MAD1L1: variants seen among roughly 807,000 people sequenced by gnomAD.
MAD1L1 encodes the protein mitotic spindle assembly checkpoint protein MAD1.
In MAD1L1, 95 loss-of-function variants were observed where a neutral mutation model predicts 96.9. The ratio of observed to expected loss-of-function variants is 0.98; its 90% CI spans 0.83 to 1.16. MAD1L1 has a LOEUF of 1.16. Among genes scored for constraint, MAD1L1 ranks in the 50% most tolerant of loss-of-function variants. The pLI is 0.00. For missense variants in MAD1L1, 1,007 were observed against 954.4 expected (o/e 1.06, Z -0.73); for synonymous variants, 473 against 396.6 (o/e 1.19, Z -2.29).
At chr7:2,078,032 C>T (rs1017235504) in intron 11 of MAD1L1, among the ~76,000 whole-genome samples, 13 of 152,208 alleles carry the variant, frequency 8.5e-5, no homozygotes, top group East Asian at 5.8e-4. Context: ...CATCCACATT[C>T]GCTCCTTGCT....
At chr7:2,214,912 G>C (rs1294389136) in intron 9 of MAD1L1, among the ~76,000 whole-genome samples, 1 of 152,188 alleles carries the variant, frequency 6.6e-6, no homozygotes, top group Non-Finnish European at 1.5e-5. Flanking sequence ...AACCGAAACA[G>C]ATCACCACAA....
chr7:1,898,073 C>T (rs1259202175), intron 18 of MAD1L1, 127 bp downstream of exon 18: 7 of 1,019,414 alleles, frequency 6.9e-6, no homozygotes, highest in South Asian at 1.5e-5. Context: ...ACCTCCTTCC[C>T]GCCCAGCCCT....
At chr7:2,061,803 A>G (rs1784672885) in intron 12 of MAD1L1, among the ~76,000 whole-genome samples, 1 of 152,270 alleles carries the variant, frequency 6.6e-6, no homozygotes, top group Non-Finnish European at 1.5e-5. Flanking sequence ...GTATTTTTAT[A>G]CAATGGAAAA....
chr7:1,876,640 T>G (rs1785400426), intron 18 of MAD1L1, among the ~76,000 whole-genome samples: 2 of 151,680 alleles, frequency 1.3e-5, no homozygotes, highest in Non-Finnish European at 2.9e-5. Flanking sequence ...CTTAAAACTT[T>G]CCATGGCAAA....
At chr7:1,842,149 T>C (rs1003187096) in intron 18 of MAD1L1, among the ~76,000 whole-genome samples, 2 of 152,250 alleles carry the variant, frequency 1.3e-5, no homozygotes, top group Admixed American at 1.3e-4. Context: ...AGTTTATGGC[T>C]TTGTAGATCT....
intron 18 of MAD1L1, among the ~76,000 whole-genome samples, chr7:1,877,510 A>T (rs1224325362): frequency 6.6e-6 from 1 of 151,944 alleles, no homozygotes; most frequent in African/African-American, 2.4e-5. Context: ...AGAATATACG[A>T]GACAAAAAGA....
intron 13 of MAD1L1, among the ~76,000 whole-genome samples, chr7:2,010,145 G>A (rs1176980273): frequency 6.9e-6 from 1 of 144,958 alleles, no homozygotes; most frequent in Non-Finnish European, 1.5e-5. Flanking sequence ...TTTCAATGAG[G>A]GAAACATCAC....
At chr7:1,976,274 G>C (rs546305649) in intron 15 of MAD1L1, among the ~76,000 whole-genome samples, 1 of 152,348 alleles carries the variant, frequency 6.6e-6, no homozygotes, top group African/African-American at 2.4e-5. Context: ...CTCATGGTGA[G>C]TGTTACAGTT....
chr7:2,054,365 C>T (rs1363249026), intron 12 of MAD1L1, among the ~76,000 whole-genome samples: 4 of 152,200 alleles, frequency 2.6e-5, no homozygotes, highest in Non-Finnish European at 5.9e-5. Context: ...ACAACCCAAC[C>T]TTCATCATCT....
At chr7:2,107,898 T>C (rs749361759) in intron 11 of MAD1L1, among the ~76,000 whole-genome samples, 2 of 151,978 alleles carry the variant, frequency 1.3e-5, no homozygotes, top group Non-Finnish European at 2.9e-5. Flanking sequence ...GCCTGGCACA[T>C]GTCGCTGGAC....
intron 11 of MAD1L1, among the ~76,000 whole-genome samples, chr7:2,143,902 C>T (rs946223067): frequency 6.6e-6 from 1 of 152,168 alleles, no homozygotes; most frequent in Admixed American, 6.5e-5. Flanking sequence ...CTCAGGGGCT[C>T]CCCTCTGTGG....
intron 11 of MAD1L1, among the ~76,000 whole-genome samples, chr7:2,091,395 T>C (rs989376573): frequency 2.0e-5 from 3 of 152,252 alleles, no homozygotes; most frequent in African/African-American, 4.8e-5. Context: ...CAGTTCCTTC[T>C]GAATCTGTCT....
chr7:2,229,970 C>A lies in MAD1L1; in HGVS notation c.150+14G>T, dbSNP rs1794110552. On this transcript the variant is annotated intron_variant, in intron 3 of 18. Coordinates refer to ENST00000265854, the MANE Select transcript of MAD1L1 (RefSeq NM_001013836.2). ...TCCCCAGAGCAGACTCCCACCCAGG[C>A]ACATGCCACTCACCTGCATGCTCTG... is the stretch of plus-strand genomic sequence containing the variant. 2 of 1,611,556 alleles carry A rather than the reference C, an allele frequency of 1.2e-6. No homozygotes were observed. The highest frequency in any genetic ancestry group is 2.7e-5 in the African/African-American group (2 of 74,894).
At chr7:2,097,023 G>C (rs1046156706) in intron 11 of MAD1L1, among the ~76,000 whole-genome samples, 3 of 152,150 alleles carry the variant, frequency 2.0e-5, no homozygotes, top group African/African-American at 7.2e-5. Context: ...GACCACAGTT[G>C]ACATGGTTAT....
chr7:2,039,381 AG>A (rs1243986135), intron 12 of MAD1L1, among the ~76,000 whole-genome samples: 1 of 152,236 alleles, frequency 6.6e-6, no homozygotes, highest in African/African-American at 2.4e-5. Context: ...ATCGACACCC[AG>A]GAATGCGACT....
intron 11 of MAD1L1, chr7:2,080,144 T>C (rs1196883780): frequency 5.6e-6 from 1 of 177,452 alleles, no homozygotes; most frequent in Non-Finnish European, 1.2e-5. Flanking sequence ...TCTGCACTGC[T>C]GCTCAGCAAA....
intron 18 of MAD1L1, chr7:1,847,847 C>G (rs1002204058): frequency 2.6e-6 from 1 of 388,486 alleles, no homozygotes; most frequent in Non-Finnish European, 5.2e-6. Context: ...TCAAGTGAGG[C>G]TCCCACGTGC....
At chr7:2,049,727 G>A (rs942054718) in intron 12 of MAD1L1, among the ~76,000 whole-genome samples, 9 of 152,210 alleles carry the variant, frequency 5.9e-5, no homozygotes, top group African/African-American at 2.2e-4. Context: ...TGTCCAGGAG[G>A]ACTATCGAGC....
intron 11 of MAD1L1, among the ~76,000 whole-genome samples, chr7:2,099,089 T>C (rs947276993): frequency 6.6e-6 from 1 of 152,220 alleles, no homozygotes; most frequent in Non-Finnish European, 1.5e-5. Flanking sequence ...CCAGTGCACG[T>C]GGCTGAAGAG....
Sources: gnomAD v4.1 joint callset for allele counts (sites outside exome capture counted in the v4.1 genomes callset) on GRCh38, gnomAD v4.1.1 for gene constraint, MANE v1.5 for transcripts, NCBI Gene and HGNC (gene_info 2026-07-23, HGNC 2026-07-21) for gene names.